The following MDM1 variants were observed in gnomAD, a reference collection of about 807,000 sequenced individuals.
The protein encoded by MDM1 is Mdm1 nuclear protein.
Under a neutral mutation model 89.1 loss-of-function variants are expected in MDM1, and 61 were observed. That is an observed-to-expected ratio of 0.68 (90% CI 0.56 to 0.85). The LOEUF (loss-of-function observed/expected upper bound fraction) is 0.85, where lower values mean the gene tolerates loss of function less well. MDM1 is among the 40% of genes least tolerant of loss of function. The pLI, the probability that MDM1 is intolerant of heterozygous loss-of-function variation, is 0.00. For missense variants in MDM1, 820 were observed against 846.5 expected, an observed-to-expected ratio of 0.97 and a Z score of 0.39; for synonymous variants, 290 against 294.1, an observed-to-expected ratio of 0.99 and a Z score of 0.14.
rs779162615 is a variant in MDM1 at position 68,326,909 on chromosome 12, T to C, written c.246A>G (p.Ala82=). ...NGAISESNVV[A]SPEPEAPETP... is the part of the protein sequence containing the mutation. ...TTTCCGGGGCTTCTGGTTCTGGTGATGCAACCACATTGCTCTCTGAGATAG... is the reference window on the plus strand; with the variant it reads ...TTTCCGGGGCTTCTGGTTCTGGTGACGCAACCACATTGCTCTCTGAGATAG... Residue 82 remains alanine, a synonymous_variant, in exon 3 of 15, where the codon GCA becomes GCG. Coordinates refer to ENST00000682720, the MANE Select transcript of MDM1 (RefSeq NM_001354969.2). 7.4e-6 allele frequency: 12 copies of C among 1,614,056 alleles called. No homozygotes were observed. The highest frequency in any genetic ancestry group is 8.5e-6 in the Non-Finnish European group (10 of 1,180,016).
Position 68,332,282 on chromosome 12 carries a change from T to C in MDM1, c.-37A>G. 1 of 1,574,890 alleles carries C rather than the reference T, an allele frequency of 6.3e-7. No individual in the cohort carries two copies. Among genetic ancestry groups the C allele is most frequent in the Non-Finnish European group, 8.6e-7 (1 of 1,161,330 alleles). On this transcript the variant is annotated 5_prime_UTR_variant, in exon 1 of 15. Transcript: ENST00000682720. ...CCGGAGCCCCCGCTACTCCGACAGT[T>C]AACTGGAGAAAAAGCTCCGAGGGGG...
intron 12 of MDM1, among the ~76,000 whole-genome samples, chr12:68,304,602 T>C (rs1256095652): frequency 1.3e-5 from 2 of 152,212 alleles, no homozygotes; most frequent in Admixed American, 1.3e-4. Context: ...TTTTCCTTTT[T>C]CTATATATAT....
intron 10 of MDM1, 114 bp from the exon 11 acceptor site, chr12:68,313,867 C>G: frequency 1.1e-6 from 1 of 877,836 alleles, no homozygotes; most frequent in South Asian, 1.6e-5. Flanking sequence ...AGAGGCCAGG[C>G]GCGGTGGCTC....
chr12:68,312,805 G>A (rs896509256), intron 12 of MDM1, among the ~76,000 whole-genome samples: 1 of 151,872 alleles, frequency 6.6e-6, no homozygotes, highest in African/African-American at 2.4e-5. Flanking sequence ...CAGCAACAGT[G>A]ACCTTCTAGC....
intron 4 of MDM1, among the ~76,000 whole-genome samples, chr12:68,324,421 A>T (rs1248263146): frequency 6.6e-6 from 1 of 152,166 alleles, no homozygotes; most frequent in Non-Finnish European, 1.5e-5. Context: ...GGTATTTATC[A>T]CTTTGTTACT....
intron 9 of MDM1, among the ~76,000 whole-genome samples, chr12:68,315,787 T>C (rs773147763): frequency 6.6e-6 from 1 of 152,204 alleles, no homozygotes; most frequent in Non-Finnish European, 1.5e-5. Flanking sequence ...TTTTACCTTC[T>C]AAAGGTCTTT....
At chr12:68,306,557 A>G (rs1273648713) in intron 12 of MDM1, among the ~76,000 whole-genome samples, 1 of 152,196 alleles carries the variant, frequency 6.6e-6, no homozygotes, top group Non-Finnish European at 1.5e-5. Context: ...AAACAACTCC[A>G]TTAAAAAGGG....
At chr12:68,319,373 T>A (rs1054089202) in intron 7 of MDM1, among the ~76,000 whole-genome samples, 3 of 152,018 alleles carry the variant, frequency 2.0e-5, no homozygotes, top group East Asian at 3.9e-4. Flanking sequence ...TAGAAAGAAA[T>A]AAAGATGATA....
At chr12:68,300,699 C>T (rs762926542) in intron 13 of MDM1, among the ~76,000 whole-genome samples, 12 of 152,038 alleles carry the variant, frequency 7.9e-5, no homozygotes, top group African/African-American at 1.9e-4. Context: ...AAGTAGACAG[C>T]GACATAATAA....
chr12:68,307,892 C>T (rs1186171701), intron 12 of MDM1, among the ~76,000 whole-genome samples: 6 of 143,574 alleles, frequency 4.2e-5, no homozygotes, highest in Non-Finnish European at 7.6e-5. Context: ...GAGCCAAGAT[C>T]GCACCACTAT....
Position 68,296,967 on chromosome 12 carries a change from A to C in MDM1, c.2018T>G (p.Met673Arg). The change falls in exon 14 of 15, where the codon ATG (methionine) becomes AGG (arginine). Residue 673 changes from methionine to arginine, a missense_variant. Physicochemically the swap from Met to Arg is moderately conservative, Grantham distance 91. Coordinates refer to ENST00000682720, the MANE Select transcript of MDM1 (RefSeq NM_001354969.2). ...ATGTTGAGGTAACTGCAAATTGTTC[A>C]TCCTTGCTTTTCCCACTTAAAAAAA... Reference protein sequence around the residue: ...EFQHNVGKARMNNLQLPQHEA... With the variant: ...EFQHNVGKARRNNLQLPQHEA... The C allele has an allele frequency of 6.3e-7, 1 of 1,594,346 alleles. No individual in the cohort carries two copies. Among genetic ancestry groups the C allele is most frequent in the Non-Finnish European group, 8.5e-7 (1 of 1,172,968 alleles).
In MDM1 at chr12:68,331,322, T is replaced by G. The variant is rs1593001314; in HGVS notation, c.19-101A>C. 4.0e-6 allele frequency: 3 copies of G among 755,348 alleles called. No individual in the cohort carries two copies. In the East Asian group the frequency reaches 7.3e-5, roughly 18 times the overall value. The allele number at this position is 755,348 out of a possible 1,614,324, so 46.8% of individuals were successfully genotyped here. On this transcript the variant is annotated intron_variant, in intron 1 of 14. Coordinates refer to ENST00000682720, the MANE Select transcript of MDM1 (RefSeq NM_001354969.2). ...ATTTCTGAACCTCCCAAAAGAGACT[T>G]AAGACTGAAAATTAAACACAGACGA...
At chr12:68,301,484 T>C (rs1204812761) in intron 13 of MDM1, among the ~76,000 whole-genome samples, 1 of 152,138 alleles carries the variant, frequency 6.6e-6, no homozygotes, top group African/African-American at 2.4e-5. Flanking sequence ...AAAGTCTACA[T>C]GTTGGGTACA....
intron 4 of MDM1, among the ~76,000 whole-genome samples, chr12:68,324,167 C>T (rs1013166958): frequency 6.6e-6 from 1 of 152,048 alleles, no homozygotes; most frequent in South Asian, 2.1e-4. Context: ...CTGAATATAT[C>T]GCTAGTGATT....
chr12:68,310,357 A>C (rs1198618856), intron 12 of MDM1, among the ~76,000 whole-genome samples: 1 of 152,250 alleles, frequency 6.6e-6, no homozygotes, highest in Non-Finnish European at 1.5e-5. Flanking sequence ...TAACATTCTA[A>C]GGGATGATAT....
At chr12:68,315,605 A>C (rs148166886) in intron 9 of MDM1, among the ~76,000 whole-genome samples, 28 of 152,276 alleles carry the variant, frequency 1.8e-4, no homozygotes, top group African/African-American at 5.1e-4. Flanking sequence ...TAAGTTCTTC[A>C]ATTACTTTCA....
At position 68,332,246 on chromosome 12, in the gene MDM1, G is replaced by A. The variant is rs990876350; in HGVS notation, c.-1C>T. ...GCCTCACCTTGAAGCGCACCGGCAT[G>A]TCGCCCGGCGCCGGAGCCCCCGCTA... On this transcript the variant is annotated 5_prime_UTR_variant, in exon 1 of 15. Transcript: ENST00000682720. The A allele has an allele frequency of 1.3e-6, 2 of 1,583,072 alleles. No homozygotes were observed. The highest frequency in any genetic ancestry group is 8.6e-7 in the Non-Finnish European group (1 of 1,165,606).
At position 68,331,389 on chromosome 12, in the gene MDM1, G is replaced by A. The variant is rs1271973750; in HGVS notation, c.19-168C>T. Among the ~76,000 whole-genome samples the A allele has an allele frequency of 5.3e-5, 8 of 152,326 alleles. No individual in the cohort carries two copies. The East Asian group carries it at 7.7e-4, about 15-fold the overall frequency. ...TAATATTCACCCAGCCCTGTGCTAA[G>A]CAGTTCACACGTGTTATATCCTTTA... On this transcript the variant is annotated intron_variant, in intron 1 of 14. Transcript: ENST00000682720.
chr12:68,325,843 C>A, intron 3 of MDM1: 2 of 1,067,434 alleles, frequency 1.9e-6, no homozygotes, highest in Non-Finnish European at 2.3e-6. Flanking sequence ...TACTCTCAGT[C>A]CTTTCCTACT....
Sources: allele counts gnomAD v4.1 joint callset (sites outside exome capture counted in the v4.1 genomes callset), GRCh38; gene constraint gnomAD v4.1.1; transcripts MANE v1.5; gene names NCBI Gene and HGNC (gene_info 2026-07-23, HGNC 2026-07-21).